CDK13: variants seen among roughly 807,000 people sequenced by gnomAD.
The protein encoded by CDK13 is cyclin-dependent kinase 13.
Under a neutral mutation model 137.6 loss-of-function variants are expected in CDK13, and 40 were observed. The ratio of observed to expected loss-of-function variants is 0.29; its 90% CI spans 0.23 to 0.38. The LOEUF (loss-of-function observed/expected upper bound fraction) is 0.38, where lower values mean the gene tolerates loss of function less well. Ranked by LOEUF, CDK13 falls within the 10% of genes least tolerant of loss-of-function variation. CDK13 has a pLI of 1.00. For missense variants in CDK13, 1,704 were observed against 1,951.8 expected (o/e 0.87, Z 2.39); for synonymous variants, 869 against 760.1 (o/e 1.14, Z -2.36).
At position 39,983,918 on chromosome 7, in the gene CDK13, T is replaced by C. The variant is rs886486537; in HGVS notation, c.1212-3681T>C. Among the ~76,000 whole-genome samples, 3 of 152,198 alleles carry C rather than the reference T, an allele frequency of 2.0e-5. 1 individual carries two copies. Among genetic ancestry groups the C allele is most frequent in the South Asian group, 4.1e-4 (2 of 4,830 alleles). ...ATTTCTATGTATAATTATAAGCTTA[T>C]TGATATTAAAGTGTGGGTTTTTATG... On this transcript the variant is annotated intron_variant, in intron 1 of 13. Coordinates refer to ENST00000181839, the MANE Select transcript of CDK13 (RefSeq NM_003718.5).
Position 40,047,012 on chromosome 7 carries a change from C to CAAAAAAA in CDK13, c.2544-792_2544-786dup, listed in dbSNP as rs398040131. 3.8e-4 allele frequency among the ~76,000 whole-genome samples: 25 copies of CAAAAAAA among 65,812 alleles called. 1 individual carries two copies. Among genetic ancestry groups the CAAAAAAA allele is most frequent in the Non-Finnish European group, 4.8e-4 (17 of 35,098 alleles). 43.2% of individuals were successfully genotyped at this position (65,812 alleles called of 152,430 possible). A position where few individuals can be genotyped will look rare whatever the true frequency, so the allele number is the denominator to read the frequency against. ...TGACAAAGCAAGCAAGACTCGGTCT[C>CAAAAAAA]AAAAAAAAAAAAAAAAAAAAAAATC... On this transcript the variant is annotated intron_variant, in intron 6 of 13. Transcript: ENST00000181839.
At chr7:40,039,081 C>T (rs1271670548) in intron 5 of CDK13, among the ~76,000 whole-genome samples, 1 of 151,724 alleles carries the variant, frequency 6.6e-6, no homozygotes, top group African/African-American at 2.4e-5. Flanking sequence ...AATTGTCTCT[C>T]TTTCTCACTT....
intron 1 of CDK13, among the ~76,000 whole-genome samples, chr7:39,981,325 C>T (rs1167792522): frequency 4.0e-5 from 6 of 151,522 alleles, no homozygotes; most frequent in African/African-American, 9.7e-5. Context: ...GCCTTGTTTG[C>T]GCCACTGCAC....
chr7:39,972,510 T>C (rs1784021741), intron 1 of CDK13, among the ~76,000 whole-genome samples: 1 of 152,202 alleles, frequency 6.6e-6, no homozygotes, highest in Non-Finnish European at 1.5e-5. Flanking sequence ...CAACGGTTGG[T>C]GATTTCTTTC....
intron 8 of CDK13, 33 bp downstream of exon 8, chr7:40,062,960 T>G: frequency 6.2e-7 from 1 of 1,604,490 alleles, no homozygotes; most frequent in South Asian, 1.1e-5. Context: ...TTTATTTTAC[T>G]TGAAACTTTT....
chr7:39,956,995 G>A (rs558285944), intron 1 of CDK13, among the ~76,000 whole-genome samples: 9 of 152,106 alleles, frequency 5.9e-5, no homozygotes, highest in South Asian at 4.2e-4. Flanking sequence ...TATACTTGCT[G>A]TTCTGTTAGC....
intron 5 of CDK13, among the ~76,000 whole-genome samples, chr7:40,007,562 A>G (rs1048410346): frequency 1.9e-4 from 29 of 152,054 alleles, no homozygotes; most frequent in African/African-American, 5.8e-4. Context: ...AATAGCTGGG[A>G]TTACAGATGT....
At chr7:40,022,439 C>G (rs1327079592) in intron 5 of CDK13, among the ~76,000 whole-genome samples, 1 of 152,124 alleles carries the variant, frequency 6.6e-6, no homozygotes, top group Non-Finnish European at 1.5e-5. Flanking sequence ...TTTCATATGT[C>G]TTCTACAGGT....
At chr7:39,968,301 T>G (rs893536627) in intron 1 of CDK13, among the ~76,000 whole-genome samples, 2 of 152,240 alleles carry the variant, frequency 1.3e-5, no homozygotes, top group African/African-American at 4.8e-5. Context: ...ACGAAACCTT[T>G]GCCCAAACTA....
chr7:40,076,090 A>C (rs1158685491), intron 9 of CDK13, among the ~76,000 whole-genome samples: 1 of 152,046 alleles, frequency 6.6e-6, no homozygotes, highest in Non-Finnish European at 1.5e-5. Flanking sequence ...CCCTAACTTA[A>C]GTTTTCTTGT....
At chr7:39,957,564 C>G (rs1787455191) in intron 1 of CDK13, among the ~76,000 whole-genome samples, 1 of 152,154 alleles carries the variant, frequency 6.6e-6, no homozygotes, top group African/African-American at 2.4e-5. Flanking sequence ...CTCTCATACT[C>G]TAGGATAGGG....
chr7:39,955,325 G>A (rs977413210), intron 1 of CDK13, among the ~76,000 whole-genome samples: 1 of 152,152 alleles, frequency 6.6e-6, no homozygotes, highest in Admixed American at 6.5e-5. Flanking sequence ...TAAGCGATTT[G>A]TTCCAAGGTC....
rs17496791 is a variant in CDK13, at chr7:40,094,050, C to T, written c.3689-80C>T. On this transcript the variant is annotated intron_variant, in intron 13 of 13. Transcript: ENST00000181839. ...GAACTTCTAATCATCTTTAGAACTA[C>T]CTACAGGAAACACTGAGTATTTTGA... The T allele has an allele frequency of 4.0e-5, 59 of 1,488,290 alleles. No individual in the cohort carries two copies. The East Asian group carries it at 5.9e-4, about 15-fold the overall frequency. The allele number at this position is 1,488,290 out of a possible 1,614,324, so 92.2% of individuals were successfully genotyped here. A position where few individuals can be genotyped will look rare whatever the true frequency, so the allele number is the denominator to read the frequency against.
chr7:40,090,075 T>C (rs1415176608), intron 12 of CDK13, among the ~76,000 whole-genome samples: 1 of 152,194 alleles, frequency 6.6e-6, no homozygotes, highest in Non-Finnish European at 1.5e-5. Flanking sequence ...CATTAAAATA[T>C]TTGTCCTGCT....
chr7:40,063,129 A>C, intron 9 of CDK13, 29 bp downstream of exon 9: 1 of 1,520,214 alleles, frequency 6.6e-7, no homozygotes, highest in Non-Finnish European at 9.1e-7. Flanking sequence ...TATTGGTGGG[A>C]ATTGGGAGAG....
chr7:39,976,317 TCTCTCTCA>T (rs1246143409), intron 1 of CDK13, among the ~76,000 whole-genome samples: 2 of 63,824 alleles, frequency 3.1e-5, no homozygotes, highest in African/African-American at 8.7e-5. Context: ...TCTCTCTCTC[TCTCTCTCA>T]CACACACACA....
chr7:39,950,800 GC>G lies in CDK13; in HGVS notation c.164del (p.Pro55ArgfsTer86), dbSNP rs1338819331. On this transcript the variant is annotated frameshift_variant, in exon 1 of 14. Transcript: ENST00000181839. LOFTEE classifies it high-confidence loss of function. ...AGCCGCAGCTCCTGCAACCGCCGCC[GC>G]CCCCGCCGCCTCTGCTCTTCCTGGC... ...LQPQLLQPPP[P>X]PPPLLFLAAP... 2 of 1,459,666 alleles carry G rather than the reference GC, an allele frequency of 1.4e-6. No homozygotes were observed. The highest frequency in any genetic ancestry group is 1.8e-6 in the Non-Finnish European group (2 of 1,113,060). The allele number at this position is 1,459,666 out of a possible 1,614,324, so 90.4% of individuals were successfully genotyped here. A position where few individuals can be genotyped will look rare whatever the true frequency, so the allele number is the denominator to read the frequency against.
At chr7:39,995,311 A>G (rs1302892266) in intron 2 of CDK13, among the ~76,000 whole-genome samples, 1 of 152,152 alleles carries the variant, frequency 6.6e-6, no homozygotes, top group Non-Finnish European at 1.5e-5. Flanking sequence ...TTTTTGCTCT[A>G]AAAAATGTTG....
At chr7:40,002,526 A>T (rs1354433469) in intron 5 of CDK13, among the ~76,000 whole-genome samples, 1 of 152,210 alleles carries the variant, frequency 6.6e-6, no homozygotes, top group East Asian at 1.9e-4. Flanking sequence ...ACAAAAAATT[A>T]GCCTGCTTAT....
Sources: allele counts gnomAD v4.1 joint callset (sites outside exome capture counted in the v4.1 genomes callset), GRCh38; gene constraint gnomAD v4.1.1; transcripts MANE v1.5; gene names NCBI Gene and HGNC (gene_info 2026-07-23, HGNC 2026-07-21).